Variants in PCDHA3 observed in about 807,000 individuals in gnomAD.
The protein encoded by PCDHA3 is protocadherin alpha 3, also known as protocadherin alpha-3.
A neutral mutation model predicts 62.2 loss-of-function variants in PCDHA3; 41 were observed. The observed-to-expected ratio is 0.66, with a 90% CI of 0.51 to 0.86. The LOEUF (loss-of-function observed/expected upper bound fraction) is 0.86. PCDHA3 is among the 40% of genes least tolerant of loss of function. PCDHA3 has a pLI of 0.00. For synonymous variants in PCDHA3, 640 were observed against 555.4 expected (o/e 1.15, Z -2.14); for missense variants, 1,304 against 1,241.2 (o/e 1.05, Z -0.76).
At chr5:140,919,406 T>C (rs1325443914) in intron 1 of PCDHA3, among the ~76,000 whole-genome samples, 1 of 152,254 alleles carries the variant, frequency 6.6e-6, no homozygotes, top group East Asian at 1.9e-4. Flanking sequence ...CTAAAAACTC[T>C]AGACTGACAA....
At chr5:140,887,249 A>AC (rs1367463344) in intron 1 of PCDHA3, among the ~76,000 whole-genome samples, 3 of 151,838 alleles carry the variant, frequency 2.0e-5, no homozygotes, top group Non-Finnish European at 4.4e-5. Context: ...GGCGCCCGCC[A>AC]CCACGCCCTG....
intron 1 of PCDHA3, chr5:140,807,465 A>G (rs782581382): frequency 6.2e-7 from 1 of 1,612,204 alleles, no homozygotes; most frequent in Non-Finnish European, 8.5e-7. Flanking sequence ...ATCGACCGGG[A>G]GGAGCTGTGC....
At chr5:141,000,415 ATATATATTTTTTTT>A (rs2097922429) in intron 3 of PCDHA3, among the ~76,000 whole-genome samples, 2 of 87,398 alleles carry the variant, frequency 2.3e-5, no homozygotes, top group Non-Finnish European at 4.3e-5. Flanking sequence ...ATATATATAT[ATATATATTTTTTTT>A]TTTTTTTTTT....
At chr5:140,927,045 C>T (rs965998627) in intron 1 of PCDHA3, 8 of 1,612,136 alleles carry the variant, frequency 5.0e-6, no homozygotes, top group African/African-American at 1.3e-5. Flanking sequence ...CCGCTATGTC[C>T]TCGCGGAACT....
At chr5:140,967,979 G>C (rs1405177525) in intron 1 of PCDHA3, 3 of 1,614,100 alleles carry the variant, frequency 1.9e-6, no homozygotes, top group Non-Finnish European at 2.5e-6. Flanking sequence ...CCTGGGTCTG[G>C]AGGCCACACT....
intron 1 of PCDHA3, among the ~76,000 whole-genome samples, chr5:140,950,049 CTATT>C (rs2094445672): frequency 1.3e-5 from 2 of 151,756 alleles, no homozygotes; most frequent in Non-Finnish European, 3.0e-5. Flanking sequence ...CCATATAAGA[CTATT>C]TAGCTCTTCC....
intron 1 of PCDHA3, among the ~76,000 whole-genome samples, chr5:140,890,513 C>T (rs1376774987): frequency 2.0e-5 from 3 of 151,948 alleles, no homozygotes; most frequent in Non-Finnish European, 4.4e-5. Flanking sequence ...GTCTCTATTT[C>T]CTTCCTTTGT....
At chr5:140,969,034 G>A in intron 1 of PCDHA3, 1 of 1,614,144 alleles carries the variant, frequency 6.2e-7, no homozygotes, top group East Asian at 2.2e-5. Flanking sequence ...CTGCAGAACT[G>A]TACAAACAAG....
intron 1 of PCDHA3, chr5:140,828,250 G>A: frequency 3.1e-6 from 5 of 1,613,982 alleles, no homozygotes; most frequent in African/African-American, 1.3e-5. Flanking sequence ...AGGACCTGGG[G>A]CTGGAGCTGG....
intron 1 of PCDHA3, chr5:140,822,250 T>A: frequency 6.2e-7 from 1 of 1,614,222 alleles, no homozygotes; most frequent in Non-Finnish European, 8.5e-7. Flanking sequence ...CGCGTCGGAT[T>A]TGGATATTGG....
At position 140,875,707 on chromosome 5, in the gene PCDHA3, C is replaced by G. The variant is rs782640816; in HGVS notation, c.2394+72116C>G. ...ACACGGGGACCTTCTGGAGGTAAAT[C>G]TGCAGAATGGCATTTTGTTTGTGAA... On this transcript the variant is annotated intron_variant, in intron 1 of 3. Transcript: ENST00000522353. The G allele has an allele frequency of 6.2e-6, 10 of 1,614,048 alleles. No homozygotes were observed. In the South Asian group the frequency reaches 6.6e-5, roughly 11 times the overall value.
At chr5:140,972,829 A>T (rs1554234573) in intron 1 of PCDHA3, among the ~76,000 whole-genome samples, 2 of 151,928 alleles carry the variant, frequency 1.3e-5, no homozygotes, top group African/African-American at 4.8e-5. Flanking sequence ...ACGCCTGGCT[A>T]ATTTTTGTAT....
At position 140,801,369 on chromosome 5, in the gene PCDHA3, G is replaced by C. The variant is rs782156109; in HGVS notation, c.172G>C (p.Glu58Gln). Reference sequence around the variant, plus strand: ...GCAGGACCTGGGGCTGGAGCTGGCGGAGCTGGTGCCGCGCCTGTTCCGGGT... The same window carrying C: ...GCAGGACCTGGGGCTGGAGCTGGCGCAGCTGGTGCCGCGCCTGTTCCGGGT... Reference protein sequence around the residue: ...IAQDLGLELAELVPRLFRVAS... With the variant: ...IAQDLGLELAQLVPRLFRVAS... The change falls in exon 1 of 4, where the codon GAG becomes CAG. Residue 58 changes from glutamate to glutamine, a missense_variant. Physicochemically the swap from Glu to Gln is conservative, Grantham distance 29 (BLOSUM62 2). Coordinates refer to ENST00000522353, the MANE Select transcript of PCDHA3 (RefSeq NM_018906.3). 1.2e-6 allele frequency: 2 copies of C among 1,613,508 alleles called. No individual in the cohort carries two copies. The highest frequency in any genetic ancestry group is 2.2e-5 in the South Asian group (2 of 91,040).
intron 1 of PCDHA3, chr5:140,968,252 C>T: frequency 1.2e-6 from 2 of 1,613,948 alleles, no homozygotes; most frequent in Non-Finnish European, 1.7e-6. Context: ...AGCCACAGAC[C>T]CAGATGAAAA....
rs782761361 is a variant in PCDHA3, at chr5:140,927,794, C to T, written c.2395-51155C>T. 1.2e-5 allele frequency: 20 copies of T among 1,614,154 alleles called. No individual in the cohort carries two copies. In the South Asian group the frequency reaches 1.6e-4, roughly 13 times the overall value. Reference sequence around the variant, plus strand: ...GTGCAAGTAGCTGCTTCACTAGGTCCGCCTGAAACGCTCTTGGAGGCATAC... The same window carrying T: ...GTGCAAGTAGCTGCTTCACTAGGTCTGCCTGAAACGCTCTTGGAGGCATAC... On this transcript the variant is annotated intron_variant, in intron 1 of 3. Coordinates refer to ENST00000522353, the MANE Select transcript of PCDHA3 (RefSeq NM_018906.3).
intron 1 of PCDHA3, among the ~76,000 whole-genome samples, chr5:140,840,970 A>G (rs1440529363): frequency 2.6e-5 from 4 of 152,082 alleles, no homozygotes; most frequent in African/African-American, 7.2e-5. Flanking sequence ...TTCCTTATGA[A>G]GAAGAAATCC....
rs145265581 is a variant in PCDHA3, at chr5:140,822,948, C to G, written c.2394+19357C>G. The G allele has an allele frequency of 1.9e-5, 31 of 1,614,076 alleles. No homozygotes were observed. In the African/African-American group the frequency reaches 2.4e-4, roughly 13 times the overall value. ...AGGTGACCTGCTCCCTAATGCCCCACGTTCCCTTCAAGCTGGTGTCCACCT... is the reference window on the plus strand; with the variant it reads ...AGGTGACCTGCTCCCTAATGCCCCAGGTTCCCTTCAAGCTGGTGTCCACCT... On this transcript the variant is annotated intron_variant, in intron 1 of 3. Coordinates refer to ENST00000522353, the MANE Select transcript of PCDHA3 (RefSeq NM_018906.3).
At chr5:140,910,874 A>T (rs1285814930) in intron 1 of PCDHA3, among the ~76,000 whole-genome samples, 2 of 151,996 alleles carry the variant, frequency 1.3e-5, no homozygotes, top group African/African-American at 4.8e-5. Flanking sequence ...ATTATCCCAC[A>T]CCCTTAATAT....
rs1337537154 is a variant in PCDHA3, at chr5:140,853,299, T to G, written c.2394+49708T>G. 5.1e-6 allele frequency: 5 copies of G among 982,044 alleles called. No homozygotes were observed. In the African/African-American group the frequency reaches 7.1e-5, roughly 14 times the overall value. 60.8% of individuals were successfully genotyped at this position (982,044 alleles called of 1,614,324 possible). The stretch of plus-strand genomic sequence containing the variant: ...ATCATATGCAAATTCTCAGAAGGGC[T>G]GTGAACACCTTAGTAATAAATTTAT... On this transcript the variant is annotated intron_variant, in intron 1 of 3. Coordinates refer to ENST00000522353, the MANE Select transcript of PCDHA3 (RefSeq NM_018906.3).
Sources: gnomAD v4.1 joint callset for allele counts (sites outside exome capture counted in the v4.1 genomes callset) on GRCh38, gnomAD v4.1.1 for gene constraint, MANE v1.5 for transcripts, NCBI Gene and HGNC (gene_info 2026-07-23, HGNC 2026-07-21) for gene names.